CTNND2: variants seen among roughly 807,000 people sequenced by gnomAD.
CTNND2 encodes catenin delta-2.
Under a neutral mutation model 144.4 loss-of-function variants are expected in CTNND2, and 22 were observed. The ratio of observed to expected loss-of-function variants is 0.15; its 90% confidence interval spans 0.11 to 0.22. The LOEUF (loss-of-function observed/expected upper bound fraction) is 0.22. Ranked by LOEUF, CTNND2 falls within the 10% of genes least tolerant of loss-of-function variation. The pLI, the probability that CTNND2 is intolerant of heterozygous loss-of-function variation, is 1.00. For missense variants in CTNND2, 1,353 were observed against 1,618.8 expected, an observed-to-expected ratio of 0.84 and a Z score of 2.82; for synonymous variants, 751 against 695.6, an observed-to-expected ratio of 1.08 and a Z score of -1.25.
At chr5:11,675,822 T>C (rs191023300) in intron 2 of CTNND2, among the ~76,000 whole-genome samples, 12 of 152,040 alleles carry the variant, frequency 7.9e-5, no homozygotes, top group African/African-American at 2.9e-4. Flanking sequence ...TCTCTAATCT[T>C]GTCTTCTCAC....
chr5:11,425,728 T>C (rs1401307296), intron 3 of CTNND2, among the ~76,000 whole-genome samples: 1 of 152,222 alleles, frequency 6.6e-6, no homozygotes, highest in Admixed American at 6.5e-5. Flanking sequence ...TCCCCTTAAC[T>C]GCCTTGGTTG....
At chr5:10,995,545 G>A (rs1739249573) in intron 18 of CTNND2, among the ~76,000 whole-genome samples, 1 of 152,190 alleles carries the variant, frequency 6.6e-6, no homozygotes, top group Admixed American at 6.5e-5. Context: ...GAGACAGTGA[G>A]TACAGACAAG....
intron 16 of CTNND2, among the ~76,000 whole-genome samples, chr5:11,071,273 C>T (rs992661735): frequency 3.9e-5 from 6 of 152,170 alleles, no homozygotes; most frequent in Admixed American, 1.3e-4. Flanking sequence ...CACAGTGGCT[C>T]ATGCCTGTAA....
intron 2 of CTNND2, among the ~76,000 whole-genome samples, chr5:11,651,437 T>C (rs1362967880): frequency 6.6e-6 from 1 of 152,086 alleles, no homozygotes; most frequent in African/African-American, 2.4e-5. Flanking sequence ...TAGGGGAGTG[T>C]GGAGGGGAAA....
chr5:11,708,616 C>A (rs555496654), intron 2 of CTNND2, among the ~76,000 whole-genome samples: 2 of 151,986 alleles, frequency 1.3e-5, no homozygotes, highest in Non-Finnish European at 2.9e-5. Flanking sequence ...TTATCTAGGG[C>A]GGGCCTTCTG....
intron 1 of CTNND2, among the ~76,000 whole-genome samples, chr5:11,749,397 TCATTATAGTCTTTTTTTGA>T (rs909050880): frequency 3.9e-5 from 6 of 152,024 alleles, no homozygotes; most frequent in African/African-American, 1.4e-4. Context: ...TTCAGTGATT[TCATTATAGTCTTTTTTTGA>T]CACCAGCACA....
At chr5:11,701,289 T>C (rs1224135644) in intron 2 of CTNND2, among the ~76,000 whole-genome samples, 1 of 152,186 alleles carries the variant, frequency 6.6e-6, no homozygotes, top group African/African-American at 2.4e-5. Flanking sequence ...GGACCTTCCA[T>C]GCAGAGAATT....
At chr5:11,185,095 T>C (rs1385633698) in intron 11 of CTNND2, among the ~76,000 whole-genome samples, 2 of 152,200 alleles carry the variant, frequency 1.3e-5, no homozygotes, top group Non-Finnish European at 2.9e-5. Context: ...CCCTGTAACC[T>C]TCGTGGCCCA....
intron 1 of CTNND2, among the ~76,000 whole-genome samples, chr5:11,885,505 T>G (rs896693796): frequency 6.6e-6 from 1 of 152,146 alleles, no homozygotes; most frequent in Admixed American, 6.5e-5. Flanking sequence ...ATATAATAAC[T>G]GTAAATATAT....
chr5:11,119,453 T>G (rs995114491), intron 12 of CTNND2, among the ~76,000 whole-genome samples: 1 of 152,348 alleles, frequency 6.6e-6, no homozygotes, highest in South Asian at 2.1e-4. Context: ...ATGTAAAATT[T>G]TATAAATTCC....
chr5:11,198,224 T>A (rs1191940582), intron 11 of CTNND2, among the ~76,000 whole-genome samples: 1 of 152,208 alleles, frequency 6.6e-6, no homozygotes, highest in Non-Finnish European at 1.5e-5. Context: ...CTGACTCATG[T>A]CTCCCCACAT....
At chr5:11,310,648 C>T (rs1356348651) in intron 9 of CTNND2, among the ~76,000 whole-genome samples, 2 of 151,738 alleles carry the variant, frequency 1.3e-5, no homozygotes, top group African/African-American at 4.9e-5. Context: ...CCGGATTTAC[C>T]GACCTCTCCT....
intron 3 of CTNND2, among the ~76,000 whole-genome samples, chr5:11,521,878 A>G (rs1393876316): frequency 2.0e-5 from 3 of 152,200 alleles, no homozygotes; most frequent in Non-Finnish European, 4.4e-5. Flanking sequence ...GTGACAATGG[A>G]TGCACTCCCA....
chr5:11,831,293 T>A (rs1449065868), intron 1 of CTNND2, among the ~76,000 whole-genome samples: 2 of 150,602 alleles, frequency 1.3e-5, no homozygotes, highest in Non-Finnish European at 2.9e-5. Context: ...GGACTTATAC[T>A]GCCTCAATCA....
chr5:11,802,027 CT>C (rs1188481682), intron 1 of CTNND2, among the ~76,000 whole-genome samples: 1 of 152,036 alleles, frequency 6.6e-6, no homozygotes. Context: ...AATCCCAGCA[CT>C]TTAGGAGGCC....
chr5:11,750,693 T>C (rs953228396), intron 1 of CTNND2, among the ~76,000 whole-genome samples: 2 of 151,860 alleles, frequency 1.3e-5, no homozygotes, highest in Admixed American at 6.6e-5. Context: ...AGCTCTATAT[T>C]GTAGGTTTGC....
intron 2 of CTNND2, among the ~76,000 whole-genome samples, chr5:11,651,807 T>C (rs1782657702): frequency 6.6e-6 from 1 of 152,364 alleles, no homozygotes; most frequent in Non-Finnish European, 1.5e-5. Flanking sequence ...TTTCTCCCTT[T>C]TGGAATAGGG....
intron 16 of CTNND2, among the ~76,000 whole-genome samples, chr5:11,038,441 T>G (rs1189299396): frequency 1.3e-5 from 2 of 152,174 alleles, no homozygotes; most frequent in African/African-American, 4.8e-5. Flanking sequence ...GGTGGACACT[T>G]TCATCCTGAA....
At chr5:11,484,794 G>C (rs184465672) in intron 3 of CTNND2, among the ~76,000 whole-genome samples, 123 of 152,214 alleles carry the variant, frequency 8.1e-4, no homozygotes, top group Middle Eastern at 6.8e-3. Context: ...ATGTAAAATA[G>C]CAAACAAGAC....
Sources: gnomAD v4.1 joint callset for allele counts (sites outside exome capture counted in the v4.1 genomes callset) on GRCh38, gnomAD v4.1.1 for gene constraint, MANE v1.5 for transcripts, NCBI Gene and HGNC (gene_info 2026-07-23, HGNC 2026-07-21) for gene names.